RNF181: variants seen among roughly 807,000 people sequenced by gnomAD.
RNF181 encodes the protein ring finger protein 181.
Under a neutral mutation model 23.3 loss-of-function variants are expected in RNF181, and 25 were observed. The ratio of observed to expected loss-of-function variants is 1.07; its 90% CI spans 0.78 to 1.50. The LOEUF (loss-of-function observed/expected upper bound fraction) is 1.50. Ranked by LOEUF, RNF181 falls within the 40% of genes most tolerant of loss-of-function variation. RNF181 has a pLI of 0.00. For synonymous variants in RNF181, 62 were observed against 70.9 expected (o/e 0.87, Z 0.63); for missense variants, 167 against 191.1 (o/e 0.87, Z 0.74).
chr2:85,595,775 T>A lies in RNF181; in HGVS notation c.12T>A (p.Tyr4Ter). The change falls in exon 1 of 5, where the codon TAT becomes TAA. Residue 4 changes from tyrosine to a stop codon, truncating the protein, a stop_gained. Coordinates refer to ENST00000306368, the MANE Select transcript of RNF181 (RefSeq NM_016494.4). LOFTEE classifies it high-confidence loss of function. ...AAGGCTGGGCAGCCATGGCGTCCTA[T>A]TTCGATGAACACGACTGCGAGCCGT... MAS[Y>*]FDEHDCEPSD... The A allele has an allele frequency of 6.2e-7, 1 of 1,613,858 alleles. No individual in the cohort carries two copies. The highest frequency in any genetic ancestry group is 1.1e-5 in the South Asian group (1 of 91,062).
At chr2:85,596,086 T>G (rs1672667524) in intron 1 of RNF181, among the ~76,000 whole-genome samples, 1 of 150,036 alleles carries the variant, frequency 6.7e-6, no homozygotes, top group African/African-American at 2.5e-5. Flanking sequence ...TGGAGAGTGG[T>G]GGGCGTGGGG....
Position 85,596,516 on chromosome 2 carries a change from C to G in RNF181, c.87-3C>G. On this transcript the variant is annotated splice_polypyrimidine_tract_variant and splice_region_variant and intron_variant, in intron 1 of 4. Transcript: ENST00000306368. Reference sequence around the variant, plus strand: ...TGTTCTGACTTTACATCCCCTTCCCCAGGTCACTTTTCAATAGGATGGACT... The same window carrying G: ...TGTTCTGACTTTACATCCCCTTCCCGAGGTCACTTTTCAATAGGATGGACT... The G allele has an allele frequency of 6.3e-7, 1 of 1,598,984 alleles. No individual in the cohort carries two copies. The highest frequency in any genetic ancestry group is 1.1e-5 in the South Asian group (1 of 89,008).
chr2:85,595,979 G>A (rs1672665028), intron 1 of RNF181, 130 bp downstream of exon 1: 4 of 804,728 alleles, frequency 5.0e-6, no homozygotes, highest in Non-Finnish European at 8.3e-6. Context: ...TGTTAGTACG[G>A]GCGGCGAGAC....
At chr2:85,595,931 G>A (rs1031316340) in intron 1 of RNF181, 82 bp downstream of exon 1, 2 of 1,250,700 alleles carry the variant, frequency 1.6e-6, no homozygotes, top group South Asian at 1.3e-5. Context: ...ATTACCAGGG[G>A]CAGCGGATTC....
chr2:85,596,828 A>C lies in RNF181; in HGVS notation c.224A>C (p.Lys75Thr), dbSNP rs776853911. 1 of 1,614,122 alleles carries C rather than the reference A, an allele frequency of 6.2e-7. No individual in the cohort carries two copies. The change falls in exon 3 of 5, where the codon AAG becomes ACG. Residue 75 changes from lysine (K) to threonine (T), a missense_variant. Transcript: ENST00000306368. ...TVIRGSQAEL[K>T]CPVCLLEFEE... The stretch of plus-strand genomic sequence containing the variant: ...TCAGCACTCCTTCCTAAAGAGCTCA[A>C]GTGCCCCGTGTGTCTTTTGGAATTT...
chr2:85,595,978 G>A, intron 1 of RNF181, 129 bp downstream of exon 1: 1 of 806,038 alleles, frequency 1.2e-6, no homozygotes. Flanking sequence ...GTGTTAGTAC[G>A]GGCGGCGAGA....
Position 85,596,878 on chromosome 2 carries a change from A to G in RNF181, c.274A>G (p.Met92Val). The G allele has an allele frequency of 1.2e-6, 2 of 1,614,156 alleles. No individual in the cohort carries two copies. The highest frequency in any genetic ancestry group is 8.5e-7 in the Non-Finnish European group (1 of 1,180,024). ...EFEEEETAIE[M>V]PCHHLFHSSC... ...TGAGGAGGAGGAGACTGCCATTGAG[A>G]TGCCTTGCCATCACCTTTTCCATTC... Residue 92 changes from methionine (M) to valine (V), a missense_variant, in exon 3 of 5, where the codon ATG (methionine) becomes GTG (valine). By Grantham distance (21) the Met-to-Val change is conservative. Transcript: ENST00000306368.
Position 85,597,152 on chromosome 2 carries a change from A to G in RNF181, c.376A>G (p.Thr126Ala), listed in dbSNP as rs760343545. 1 of 1,614,004 alleles carries G rather than the reference A, an allele frequency of 6.2e-7. No individual in the cohort carries two copies. Among genetic ancestry groups the G allele is most frequent in the South Asian group, 1.1e-5 (1 of 91,066 alleles). The change falls in exon 4 of 5, where the codon ACT becomes GCT. Residue 126 changes from threonine (T) to alanine (A), a missense_variant. Thr to Ala is a moderately conservative substitution (Grantham distance 58). Transcript: ENST00000306368. ...CRYELPTDDD[T>A]YEEHRRDKAR... The stretch of plus-strand genomic sequence containing the variant: ...CTATGAGCTGCCCACTGATGACGAC[A>G]CTTATGAGGAGCACAGACGAGATAA...
At chr2:85,597,232 C>A in intron 4 of RNF181, 54 bp downstream of exon 4, 1 of 1,499,064 alleles carries the variant, frequency 6.7e-7, no homozygotes, top group Non-Finnish European at 9.2e-7. Context: ...GAGTCCTGTC[C>A]CCGCTGCCAT....
At chr2:85,597,219 C>T in intron 4 of RNF181, 41 bp downstream of exon 4, 1 of 1,540,124 alleles carries the variant, frequency 6.5e-7, no homozygotes, top group Non-Finnish European at 8.9e-7. Context: ...TAATGGGCTC[C>T]CTGAGTCCTG....
At position 85,597,535 on chromosome 2, in the gene RNF181, G is replaced by A. The variant is rs377168648; in HGVS notation, c.*31G>A. 5.6e-5 allele frequency: 91 copies of A among 1,612,804 alleles called. No individual in the cohort carries two copies. The highest frequency in any genetic ancestry group is 3.7e-4 in the Admixed American group (22 of 59,616). ...TTGGGGCTGAGTGCTGGCCCTCTGCGTCTTCCTTATTAACCTTGAATCCTC... is the reference window on the plus strand; with the variant it reads ...TTGGGGCTGAGTGCTGGCCCTCTGCATCTTCCTTATTAACCTTGAATCCTC... On this transcript the variant is annotated 3_prime_UTR_variant, in exon 5 of 5. Coordinates refer to ENST00000306368, the MANE Select transcript of RNF181 (RefSeq NM_016494.4).
chr2:85,596,270 C>T (rs562915692), intron 1 of RNF181, among the ~76,000 whole-genome samples: 2 of 152,222 alleles, frequency 1.3e-5, no homozygotes, highest in South Asian at 4.1e-4. Flanking sequence ...TCAGCGTAGC[C>T]TGAGTAACTT....
At chr2:85,595,944 G>A (rs575143323) in intron 1 of RNF181, 95 bp downstream of exon 1, 2 of 1,084,892 alleles carry the variant, frequency 1.8e-6, no homozygotes, top group Non-Finnish European at 2.8e-6. Flanking sequence ...GCGGATTCTG[G>A]GGAGGACAGA....
In RNF181 at chr2:85,597,449, G is replaced by C; in HGVS notation, c.407G>C (p.Arg136Pro). 6.2e-7 allele frequency: 1 copy of C among 1,609,512 alleles called. No individual in the cohort carries two copies. The highest frequency in any genetic ancestry group is 8.5e-7 in the Non-Finnish European group (1 of 1,178,240). The change falls in exon 5 of 5, where the codon CGA becomes CCA. Residue 136 changes from arginine to proline, a missense_variant. Physicochemically the swap from Arg to Pro is moderately radical, Grantham distance 103 (BLOSUM62 -2). Transcript: ENST00000306368. Reference sequence around the variant, plus strand: ...AGCATGCCTTCTTTCCTTCAGGCTCGAAAACAGCAGCAGCAACACCGACTG... The same window carrying C: ...AGCATGCCTTCTTTCCTTCAGGCTCCAAAACAGCAGCAGCAACACCGACTG... Reference protein sequence around the residue: ...TYEEHRRDKARKQQQQHRLEN... With the variant: ...TYEEHRRDKAPKQQQQHRLEN...
At chr2:85,596,415 T>C (rs1322805334) in intron 1 of RNF181, 104 bp from the exon 2 acceptor site, 3 of 1,212,434 alleles carry the variant, frequency 2.5e-6, no homozygotes, top group East Asian at 2.4e-5. Flanking sequence ...GGGTAGCTAT[T>C]ATTCCTACTA....
Position 85,597,676 on chromosome 2 carries a change from G to T in RNF181, c.*172G>T. On this transcript the variant is annotated 3_prime_UTR_variant, in exon 5 of 5. Transcript: ENST00000306368. ...GGGAAGGTGATCCTAAATCGCAGAA[G>T]GCACCAGGCTGCGGTTTTCCTCCCT... 7.6e-7 allele frequency: 1 copy of T among 1,309,578 alleles called. No individual in the cohort carries two copies. Among genetic ancestry groups the T allele is most frequent in the South Asian group, 1.7e-5 (1 of 60,204 alleles). The allele number at this position is 1,309,578 out of a possible 1,614,324, so 81.1% of individuals were successfully genotyped here.
In RNF181 at chr2:85,597,688, C is replaced by T. The variant is rs1409396901; in HGVS notation, c.*184C>T. ...CTAAATCGCAGAAGGCACCAGGCTG[C>T]GGTTTTCCTCCCTGCTGGCCCATCT... On this transcript the variant is annotated 3_prime_UTR_variant, in exon 5 of 5. Coordinates refer to ENST00000306368, the MANE Select transcript of RNF181 (RefSeq NM_016494.4). 2.6e-5 allele frequency: 31 copies of T among 1,184,368 alleles called. No individual in the cohort carries two copies. Among genetic ancestry groups the T allele is most frequent in the Admixed American group, 3.2e-5 (1 of 31,488 alleles). 73.4% of individuals were successfully genotyped at this position (1,184,368 alleles called of 1,614,324 possible).
chr2:85,597,527 C>T lies in RNF181; in HGVS notation c.*23C>T, dbSNP rs753047852. 4.3e-6 allele frequency: 7 copies of T among 1,613,266 alleles called. No individual in the cohort carries two copies. In the South Asian group the frequency reaches 7.7e-5, roughly 18 times the overall value. On this transcript the variant is annotated 3_prime_UTR_variant, in exon 5 of 5. Transcript: ENST00000306368. ...TGAGGAGGTTGGGGCTGAGTGCTGG[C>T]CCTCTGCGTCTTCCTTATTAACCTT...
intron 2 of RNF181, 79 bp from the exon 3 acceptor site, chr2:85,596,743 G>A (rs1401423308): frequency 1.5e-5 from 24 of 1,610,280 alleles, no homozygotes; most frequent in Non-Finnish European, 2.0e-5. Flanking sequence ...AGGTCAGGTG[G>A]GGGCAAGTGT....
Sources: gnomAD v4.1 joint callset for allele counts (sites outside exome capture counted in the v4.1 genomes callset) on GRCh38, gnomAD v4.1.1 for gene constraint, MANE v1.5 for transcripts, NCBI Gene and HGNC (gene_info 2026-07-23, HGNC 2026-07-21) for gene names.